The following RUFY3 variants were observed in gnomAD, a reference collection of about 807,000 sequenced individuals.
RUFY3 encodes RUN and FYVE domain containing 3.
Under a neutral mutation model 84.0 loss-of-function variants are expected in RUFY3, and 34 were observed. The observed-to-expected ratio is 0.40, with a 90% CI of 0.31 to 0.54. RUFY3 has a LOEUF of 0.54. Ranked by LOEUF, RUFY3 falls within the 20% of genes least tolerant of loss-of-function variation. RUFY3 has a pLI of 0.39. For missense variants in RUFY3, 507 were observed against 736.8 expected (o/e 0.69, Z 3.61); for synonymous variants, 242 against 252.9 (o/e 0.96, Z 0.41).
intron 17 of RUFY3, among the ~76,000 whole-genome samples, chr4:70,804,966 TAAAGC>T (rs1732689307): frequency 6.6e-6 from 1 of 151,976 alleles, no homozygotes; most frequent in African/African-American, 2.4e-5. Context: ...AATTATGTAA[TAAAGC>T]AAATAAGCAG....
chr4:70,790,254 TTA>T (rs1730585932), intron 12 of RUFY3, among the ~76,000 whole-genome samples: 1 of 152,204 alleles, frequency 6.6e-6, no homozygotes, highest in Non-Finnish European at 1.5e-5. Flanking sequence ...CTTTCTGTGC[TTA>T]TGTGAAACCA....
intron 12 of RUFY3, chr4:70,791,573 A>G: frequency 9.6e-6 from 12 of 1,249,208 alleles, no homozygotes; most frequent in Non-Finnish European, 1.2e-5. Context: ...ATAAATAAAA[A>G]TACCACTTTC....
intron 5 of RUFY3, among the ~76,000 whole-genome samples, chr4:70,772,219 C>G (rs553728774): frequency 6.6e-6 from 1 of 152,058 alleles, no homozygotes; most frequent in East Asian, 1.9e-4. Context: ...GTACAGTTGT[C>G]CTTCAGTGTC....
chr4:70,740,265 C>G (rs1354488300), intron 1 of RUFY3, among the ~76,000 whole-genome samples: 1 of 152,104 alleles, frequency 6.6e-6, no homozygotes. Context: ...GAGAAAAGTT[C>G]TCTTAAATTA....
Position 70,784,885 on chromosome 4 carries a change from C to T in RUFY3, c.1071+6C>T. On this transcript the variant is annotated splice_donor_region_variant and intron_variant, in intron 10 of 17. Transcript: ENST00000381006. ...AAGAGACACAATTACGATTGGTAAA[C>T]TATGCTTAATTTCTAATAGTTCAGG... The T allele has an allele frequency of 6.3e-7, 1 of 1,581,666 alleles. No individual in the cohort carries two copies. The highest frequency in any genetic ancestry group is 8.6e-7 in the Non-Finnish European group (1 of 1,161,956).
intron 12 of RUFY3, chr4:70,791,881 T>C: frequency 1.0e-6 from 1 of 985,696 alleles, no homozygotes; most frequent in Non-Finnish European, 1.2e-6. Context: ...CCAAGATTGC[T>C]TGCAACTTTT....
intron 5 of RUFY3, 107 bp from the exon 6 acceptor site, chr4:70,773,400 TAGTA>T (rs1727314795): frequency 4.5e-6 from 3 of 670,076 alleles, no homozygotes; most frequent in Non-Finnish European, 7.9e-6. Flanking sequence ...CGTAAATTTC[TAGTA>T]AGTGTCATGA....
chr4:70,776,688 A>AACC (rs771178049), intron 7 of RUFY3, among the ~76,000 whole-genome samples: 4 of 152,326 alleles, frequency 2.6e-5, no homozygotes, highest in Non-Finnish European at 5.9e-5. Context: ...AGGCAGGAGA[A>AACC]CGGCGTGAAC....
chr4:70,722,017 C>A lies in RUFY3; in HGVS notation c.-557C>A. The A allele has an allele frequency of 8.1e-7, 1 of 1,232,158 alleles. No homozygotes were observed. The highest frequency in any genetic ancestry group is 4.1e-5 in the South Asian group (1 of 24,320). The allele number at this position is 1,232,158 out of a possible 1,614,324, so 76.3% of individuals were successfully genotyped here. ...ACCCTGCTTACTGCGCACGGCCAAT[C>A]CTATGAGAACTCAGCATCCCAGCTC... On this transcript the variant is annotated 5_prime_UTR_variant, in exon 1 of 18. Transcript: ENST00000381006.
intron 1 of RUFY3, among the ~76,000 whole-genome samples, chr4:70,749,932 A>G (rs1165273235): frequency 2.0e-5 from 3 of 151,868 alleles, no homozygotes; most frequent in Non-Finnish European, 4.4e-5. Flanking sequence ...CTGGGATTAC[A>G]GGTGTGAGCC....
At chr4:70,793,042 C>T (rs1731062120) in intron 12 of RUFY3, 3 of 985,174 alleles carry the variant, frequency 3.0e-6, no homozygotes, top group Non-Finnish European at 3.6e-6. Flanking sequence ...AAGTGCTTTA[C>T]CTTCTAAAAC....
In RUFY3 at chr4:70,776,762, C is replaced by T. The variant is rs561654299; in HGVS notation, c.824+1529C>T. On this transcript the variant is annotated intron_variant, in intron 7 of 17. Transcript: ENST00000381006. ...CTGCACTCCAGCATGGGCAACCGAGCGAGACTCCGTCTCAAAACAAAACAA... is the reference window on the plus strand; with the variant it reads ...CTGCACTCCAGCATGGGCAACCGAGTGAGACTCCGTCTCAAAACAAAACAA... Among the ~76,000 whole-genome samples, 4 of 152,062 alleles carry T rather than the reference C, an allele frequency of 2.6e-5. No individual in the cohort carries two copies. In the East Asian group the frequency reaches 5.8e-4, roughly 22 times the overall value.
intron 1 of RUFY3, among the ~76,000 whole-genome samples, chr4:70,727,378 C>CA (rs1718437405): frequency 8.9e-6 from 1 of 112,812 alleles, no homozygotes; most frequent in South Asian, 2.7e-4. Flanking sequence ...TTTTTTGAGA[C>CA]AGAGTCTCAC....
At position 70,722,348 on chromosome 4, in the gene RUFY3, T is replaced by C; in HGVS notation, c.-226T>C. 8.0e-7 allele frequency: 1 copy of C among 1,249,498 alleles called. No homozygotes were observed. Among genetic ancestry groups the C allele is most frequent in the Non-Finnish European group, 1.0e-6 (1 of 997,772 alleles). The allele number at this position is 1,249,498 out of a possible 1,614,324, so 77.4% of individuals were successfully genotyped here. On this transcript the variant is annotated 5_prime_UTR_variant, in exon 1 of 18. Coordinates refer to ENST00000381006, the MANE Select transcript of RUFY3 (RefSeq NM_001037442.4). ...TCTTATTTTGCTATGTGGTAGGAACTGTCTATAAGATAGTGTAGAATTGTT... is the reference window on the plus strand; with the variant it reads ...TCTTATTTTGCTATGTGGTAGGAACCGTCTATAAGATAGTGTAGAATTGTT...
chr4:70,783,019 C>A (rs1729204618), intron 8 of RUFY3, 72 bp from the exon 9 acceptor site: 1 of 858,210 alleles, frequency 1.2e-6, no homozygotes, highest in Non-Finnish European at 1.8e-6. Context: ...TACATCCTAG[C>A]AGATCGTGAA....
chr4:70,751,414 A>G (rs983623359), intron 1 of RUFY3, among the ~76,000 whole-genome samples: 1 of 152,234 alleles, frequency 6.6e-6, no homozygotes, highest in Non-Finnish European at 1.5e-5. Flanking sequence ...AGTTTTCCAC[A>G]TTCTTGCTAA....
intron 14 of RUFY3, among the ~76,000 whole-genome samples, chr4:70,796,437 T>C (rs1056768943): frequency 6.6e-6 from 1 of 152,230 alleles, no homozygotes; most frequent in African/African-American, 2.4e-5. Context: ...CCTGTTACAA[T>C]TTCTCAAACA....
rs190927648 is a variant in RUFY3 at position 70,746,290 on chromosome 4, G to A, written c.179-16229G>A. Among the ~76,000 whole-genome samples, 495 of 151,676 alleles carry A rather than the reference G, an allele frequency of 3.3e-3. 4 individuals carry two copies. Among genetic ancestry groups the A allele is most frequent in the African/African-American group, 0.011 (470 of 41,272 alleles). On this transcript the variant is annotated intron_variant, in intron 1 of 17. Transcript: ENST00000381006. The stretch of plus-strand genomic sequence containing the variant: ...GCCCGGGAGGCGGAGGTTGCAGTGA[G>A]TCAAGATCATGCCACTGCACTCAAG...
intron 1 of RUFY3, chr4:70,705,368 G>GCGGAGCTCCGCCTCCC (rs1191349929): frequency 9.1e-7 from 1 of 1,099,294 alleles, no homozygotes; most frequent in African/African-American, 1.6e-5. Flanking sequence ...CCCGGCCCCC[G>GCGGAGCTCCGCCTCCC]CGGAGCTCCG....
Sources: gnomAD v4.1 joint callset for allele counts (sites outside exome capture counted in the v4.1 genomes callset) on GRCh38, gnomAD v4.1.1 for gene constraint, MANE v1.5 for transcripts, NCBI Gene and HGNC (gene_info 2026-07-23, HGNC 2026-07-21) for gene names.